Variants in PPP4R1 observed in about 807,000 individuals in gnomAD.
PPP4R1 encodes the protein protein phosphatase 4 regulatory subunit 1.
A neutral mutation model predicts 111.2 loss-of-function variants in PPP4R1; 42 were observed. That is an observed-to-expected ratio of 0.38 (90% confidence interval 0.29 to 0.49). PPP4R1 has a LOEUF of 0.49. Ranked by LOEUF, PPP4R1 falls within the 20% of genes least tolerant of loss-of-function variation. The probability of loss-of-function intolerance (pLI) is 0.97; values close to 1 mark genes in which losing one functional copy is unlikely to be tolerated. For synonymous variants in PPP4R1, 409 were observed against 405.5 expected, an observed-to-expected ratio of 1.01 and a Z score of -0.10; for missense variants, 1,012 against 1,161.6, an observed-to-expected ratio of 0.87 and a Z score of 1.87.
chr18:9,610,860 T>C (rs905480830), intron 2 of PPP4R1, among the ~76,000 whole-genome samples: 175 of 106,446 alleles, frequency 1.6e-3, no homozygotes, highest in Admixed American at 1.7e-3. Context: ...TTCAATGAAA[T>C]TATGTGTACA....
intron 5 of PPP4R1, among the ~76,000 whole-genome samples, chr18:9,588,477 C>T (rs1297675368): frequency 2.6e-5 from 4 of 152,144 alleles, no homozygotes; most frequent in Non-Finnish European, 2.9e-5. Flanking sequence ...AAGTAACAAA[C>T]CTTTTAAGGG....
At chr18:9,601,216 G>T (rs1313637704) in intron 2 of PPP4R1, among the ~76,000 whole-genome samples, 2 of 132,966 alleles carry the variant, frequency 1.5e-5, no homozygotes, top group African/African-American at 3.4e-5. Flanking sequence ...TTTTTTTTTT[G>T]GGGAAAAAAA....
chr18:9,558,662 G>T (rs2066624890), intron 14 of PPP4R1, among the ~76,000 whole-genome samples: 1 of 149,278 alleles, frequency 6.7e-6, no homozygotes, highest in East Asian at 2.0e-4. Context: ...TTAAGGAAAA[G>T]TCATCACATT....
intron 10 of PPP4R1, among the ~76,000 whole-genome samples, chr18:9,574,794 T>C (rs147313923): frequency 1.4e-3 from 206 of 152,318 alleles, no homozygotes; most frequent in African/African-American, 4.8e-3. Context: ...ACTCAGTGCA[T>C]CTAAGACAGC....
At chr18:9,599,366 A>AT (rs1244631979) in intron 2 of PPP4R1, among the ~76,000 whole-genome samples, 3 of 152,228 alleles carry the variant, frequency 2.0e-5, no homozygotes, top group African/African-American at 7.2e-5. Flanking sequence ...CCAAAGACAT[A>AT]TAACTACTAA....
At chr18:9,589,607 A>G (rs2028658) in intron 4 of PPP4R1, among the ~76,000 whole-genome samples, 13 of 152,148 alleles carry the variant, frequency 8.5e-5, no homozygotes, top group Non-Finnish European at 1.6e-4. Flanking sequence ...CTAATTATAC[A>G]TTATAAAAAC....
intron 12 of PPP4R1, 54 bp from the exon 13 acceptor site, chr18:9,562,129 T>C (rs967609963): frequency 7.5e-7 from 1 of 1,325,950 alleles, no homozygotes; most frequent in African/African-American, 1.5e-5. Context: ...CATCTTCATT[T>C]AAGCTATCTT....
At chr18:9,585,223 G>T (rs2067096798) in intron 6 of PPP4R1, among the ~76,000 whole-genome samples, 1 of 152,072 alleles carries the variant, frequency 6.6e-6, no homozygotes, top group Non-Finnish European at 1.5e-5. Context: ...TGTTCAAAGG[G>T]AAAACTATCC....
chr18:9,579,506 T>C (rs911503477), intron 9 of PPP4R1, among the ~76,000 whole-genome samples: 3 of 142,392 alleles, frequency 2.1e-5, no homozygotes, highest in African/African-American at 5.3e-5. Context: ...TAAATAGGCA[T>C]AGGATTTACA....
At chr18:9,603,071 A>G (rs1487346360) in intron 2 of PPP4R1, among the ~76,000 whole-genome samples, 1 of 152,206 alleles carries the variant, frequency 6.6e-6, no homozygotes, top group Non-Finnish European at 1.5e-5. Flanking sequence ...TAGATACAGA[A>G]TATCTGTGTG....
chr18:9,593,716 T>A, intron 4 of PPP4R1, 52 bp downstream of exon 4: 1 of 1,488,476 alleles, frequency 6.7e-7, no homozygotes. Flanking sequence ...AACACAAATT[T>A]GATCAAAGAA....
chr18:9,562,830 T>G, intron 12 of PPP4R1: 1 of 975,558 alleles, frequency 1.0e-6, no homozygotes, highest in Non-Finnish European at 1.2e-6. Context: ...CAAATAATGC[T>G]GGCTTGATGG....
chr18:9,582,568 C>T lies in PPP4R1; in HGVS notation c.918+549G>A, dbSNP rs183842100. Among the ~76,000 whole-genome samples the T allele has an allele frequency of 5.3e-5, 8 of 152,228 alleles. No homozygotes were observed. The East Asian group carries it at 9.6e-4, about 18-fold the overall frequency. ...CTACAAAGAAAAGCCCAGGCCCAGA[C>T]GGCTTCACCACTGAACTCAACCAAA... is the stretch of plus-strand genomic sequence containing the variant. On this transcript the variant is annotated intron_variant, in intron 9 of 19. Transcript: ENST00000400556.
chr18:9,551,446 C>T (rs1183258168), intron 16 of PPP4R1: 1 of 152,334 alleles, frequency 6.6e-6, no homozygotes, highest in Non-Finnish European at 1.5e-5. Flanking sequence ...TCAAACAAAG[C>T]CAGATGTGCC....
chr18:9,590,109 A>G (rs1201539068), intron 4 of PPP4R1: 2 of 152,226 alleles, frequency 1.3e-5, no homozygotes, highest in East Asian at 3.8e-4. Flanking sequence ...ATGATGGATT[A>G]TCAGTAACAA....
chr18:9,602,161 G>A (rs1161690016), intron 2 of PPP4R1, among the ~76,000 whole-genome samples: 27 of 151,988 alleles, frequency 1.8e-4, no homozygotes, highest in Non-Finnish European at 1.2e-4. Flanking sequence ...ATCTAACACA[G>A]AAATCCAAAG....
chr18:9,583,931 A>C (rs1023077092), intron 8 of PPP4R1, among the ~76,000 whole-genome samples: 2 of 152,170 alleles, frequency 1.3e-5, no homozygotes, highest in African/African-American at 2.4e-5. Flanking sequence ...AACATGAAAG[A>C]TCACTGATAA....
intron 2 of PPP4R1, among the ~76,000 whole-genome samples, chr18:9,609,300 G>A (rs1036625710): frequency 6.6e-6 from 1 of 152,090 alleles, no homozygotes; most frequent in African/African-American, 2.4e-5. Context: ...TATGATTCAC[G>A]TTCAAGGGCA....
chr18:9,577,391 G>A (rs139322621), intron 9 of PPP4R1, among the ~76,000 whole-genome samples, 200 bp from the exon 10 acceptor site: 408 of 152,306 alleles, frequency 2.7e-3, no homozygotes, highest in African/African-American at 9.4e-3. Context: ...CTGGCTGGGC[G>A]CAGTGGCTCA....
Sources: allele counts gnomAD v4.1 joint callset (sites outside exome capture counted in the v4.1 genomes callset), GRCh38; gene constraint gnomAD v4.1.1; transcripts MANE v1.5; gene names NCBI Gene and HGNC (gene_info 2026-07-23, HGNC 2026-07-21).